The following TNFRSF1A variants were observed in gnomAD, a reference collection of about 807,000 sequenced individuals.
The protein encoded by TNFRSF1A is tumor necrosis factor receptor superfamily member 1A.
TNFRSF1A carries 9 observed loss-of-function variants against 41.6 expected under a neutral mutation model. The ratio of observed to expected loss-of-function variants is 0.22; its 90% CI spans 0.13 to 0.38. The LOEUF (loss-of-function observed/expected upper bound fraction) is 0.38. Among genes scored for constraint, TNFRSF1A ranks in the 10% least tolerant of loss-of-function variants. The pLI is 1.00. For synonymous variants in TNFRSF1A, 254 were observed against 248.6 expected, an observed-to-expected ratio of 1.02 and a Z score of -0.21; for missense variants, 463 against 591.5, an observed-to-expected ratio of 0.78 and a Z score of 2.25.
At chr12:6,330,463 C>T in intron 7 of TNFRSF1A, 135 bp downstream of exon 7, 8 of 997,326 alleles carry the variant, frequency 8.0e-6, no homozygotes, top group Non-Finnish European at 1.3e-5. Flanking sequence ...CATCCAGGGC[C>T]ACCTTCTGCC....
At chr12:6,330,777 G>T in intron 6 of TNFRSF1A, 66 bp from the exon 7 acceptor site, 1 of 1,575,564 alleles carries the variant, frequency 6.3e-7, no homozygotes, top group East Asian at 2.2e-5. Context: ...AGATGGATGG[G>T]TGGGATGGAT....
rs750495707 is a variant in TNFRSF1A at position 6,333,440 on chromosome 12, C to T, written c.399G>A (p.Arg133=). The T allele has an allele frequency of 1.9e-6, 3 of 1,614,086 alleles. No individual in the cohort carries two copies. In the South Asian group the frequency reaches 3.3e-5, roughly 18 times the overall value. The change falls in exon 4 of 10, where the codon CGG becomes CGA. Residue 133 remains arginine (R), a synonymous_variant. Coordinates refer to ENST00000162749, the MANE Select transcript of TNFRSF1A (RefSeq NM_001065.4). The surrounding 1 kb of genome is among the most constrained non-coding windows in gnomAD (Gnocchi z 6.3). ...TVCGCRKNQY[R]HYWSENLFQC... is the part of the protein sequence containing the mutation. ...GGAAAAGGTTTTCACTCCAATAATG[C>T]CGGTACTGGTTCTTCCTGCAGCCAC...
At position 6,328,993 on chromosome 12, in the gene TNFRSF1A, C is replaced by G; in HGVS notation, c.*319G>C. 2.7e-6 allele frequency: 1 copy of G among 372,740 alleles called. No homozygotes were observed. The highest frequency in any genetic ancestry group is 4.8e-6 in the Non-Finnish European group (1 of 209,566). The allele number at this position is 372,740 out of a possible 1,614,324, so 23.1% of individuals were successfully genotyped here. A position where few individuals can be genotyped will look rare whatever the true frequency, so the allele number is the denominator to read the frequency against. On this transcript the variant is annotated 3_prime_UTR_variant, in exon 10 of 10. Transcript: ENST00000162749. ...AACTGCTTATGCACTGTGAAAAAGG[C>G]TCAGGGACGAACCAGGGGCCCCCGA...
At position 6,333,303 on chromosome 12, in the gene TNFRSF1A, G is replaced by A. The variant is rs4149585; in HGVS notation, c.472+64C>T. ...AGGGGGAAGGAAAGGAAGTGCCACC[G>A]CATGGGGAAGGGGCCAACCCCTGGG... On this transcript the variant is annotated intron_variant, in intron 4 of 9. Coordinates refer to ENST00000162749, the MANE Select transcript of TNFRSF1A (RefSeq NM_001065.4). This position sits in a 1 kb window ranked among gnomAD's most constrained non-coding sequence, Gnocchi z 6.3. 2.6e-3 allele frequency: 4,052 copies of A among 1,587,974 alleles called. 6 individuals carry two copies. Among genetic ancestry groups the A allele is most frequent in the African/African-American group, 3.6e-3 (268 of 74,434 alleles).
chr12:6,329,829 T>C lies in TNFRSF1A; in HGVS notation c.1006A>G (p.Asn336Asp), dbSNP rs1463572945. 3 of 1,604,738 alleles carry C rather than the reference T, an allele frequency of 1.9e-6. No individual in the cohort carries two copies. The African/African-American group carries it at 4.0e-5, about 21-fold the overall frequency. ...ATALASDPIP[N>D]PLQKWEDSAH... ...CTGTCCTCCCACTTCTGAAGGGGGTTGGGGATGGGGTCGGAGGCGAGGGCT... is the reference window on the plus strand; with the variant it reads ...CTGTCCTCCCACTTCTGAAGGGGGTCGGGGATGGGGTCGGAGGCGAGGGCT... Residue 336 changes from asparagine to aspartate, a missense_variant, in exon 9 of 10, where the codon AAC becomes GAC. Asn to Asp is a conservative substitution (Grantham distance 23). Around this residue, in one of 4 missense-constraint regions of TNFRSF1A, gnomAD observed 277 missense variants for 288.8 expected, o/e 0.96. Transcript: ENST00000162749.
Position 6,341,799 on chromosome 12 carries a change from C to T in TNFRSF1A, c.16G>A (p.Val6Met), listed in dbSNP as rs772424047. 4 of 1,614,052 alleles carry T rather than the reference C, an allele frequency of 2.5e-6. No homozygotes were observed. Among genetic ancestry groups the T allele is most frequent in the African/African-American group, 1.3e-5 (1 of 74,954 alleles). The change falls in exon 1 of 10, where the codon GTG becomes ATG. Residue 6 changes from valine (V) to methionine (M), a missense_variant. Around this residue, in one of 4 missense-constraint regions of TNFRSF1A, gnomAD observed 37 missense variants for 46.5 expected, o/e 0.80. Transcript: ENST00000162749. This position sits in a 1 kb window ranked among gnomAD's most constrained non-coding sequence, Gnocchi z 4.6. ...ACCAGTGGCAGCAGCAGGTCAGGCACGGTGGAGAGGCCCATGCCAGACAGC... is the reference window on the plus strand; with the variant it reads ...ACCAGTGGCAGCAGCAGGTCAGGCATGGTGGAGAGGCCCATGCCAGACAGC... MGLSTVPDLLLPLVLL... is the reference protein window; with the variant it reads MGLSTMPDLLLPLVLL...
intron 5 of TNFRSF1A, 123 bp downstream of exon 5, chr12:6,332,946 G>A (rs1948069471): frequency 2.4e-6 from 2 of 821,156 alleles, no homozygotes; most frequent in Admixed American, 1.9e-5. Context: ...CTCCTACTCA[G>A]CCAGTAGGAC....
chr12:6,329,291 G>T lies in TNFRSF1A; in HGVS notation c.*21C>A. Reference sequence around the variant, plus strand: ...GCGATCTCGCAGGACGGTCCTTAGAGCTGCCCGCAGGGGCGCAGCCTCATC... The same window carrying T: ...GCGATCTCGCAGGACGGTCCTTAGATCTGCCCGCAGGGGCGCAGCCTCATC... On this transcript the variant is annotated 3_prime_UTR_variant, in exon 10 of 10. Coordinates refer to ENST00000162749, the MANE Select transcript of TNFRSF1A (RefSeq NM_001065.4). 1 of 1,455,602 alleles carries T rather than the reference G, an allele frequency of 6.9e-7. No individual in the cohort carries two copies. 90.2% of individuals were successfully genotyped at this position (1,455,602 alleles called of 1,614,324 possible).
At position 6,333,089 on chromosome 12, in the gene TNFRSF1A, G is replaced by A. The variant is rs138918985; in HGVS notation, c.531C>T (p.Asn177=). ...TCHAGFFLRE[N]ECVSCSNCKK... ...CTCACTTACTACAGGAGACACACTC[G>A]TTTTCTCTTAGAAAGAAACCTGCAT... The change falls in exon 5 of 10, where the codon AAC becomes AAT. Residue 177 remains asparagine (N), a synonymous_variant. Coordinates refer to ENST00000162749, the MANE Select transcript of TNFRSF1A (RefSeq NM_001065.4). The surrounding 1 kb of genome is among the most constrained non-coding windows in gnomAD (Gnocchi z 6.3). 9.9e-6 allele frequency: 16 copies of A among 1,614,052 alleles called. No individual in the cohort carries two copies. The African/African-American group carries it at 1.5e-4, about 15-fold the overall frequency.
intron 1 of TNFRSF1A, among the ~76,000 whole-genome samples, chr12:6,336,148 G>A (rs889529670): frequency 6.6e-6 from 1 of 152,168 alleles, no homozygotes; most frequent in African/African-American, 2.4e-5. Context: ...GAGTCATGAT[G>A]AAGAACTGGG....
chr12:6,332,433 C>CAAAA lies in TNFRSF1A; in HGVS notation c.551+632_551+635dup, dbSNP rs34324660. Among the ~76,000 whole-genome samples, 108 of 39,720 alleles carry CAAAA rather than the reference C, an allele frequency of 2.7e-3. 1 individual carries two copies. Among genetic ancestry groups the CAAAA allele is most frequent in the African/African-American group, 0.011 (95 of 8,922 alleles). 26.1% of individuals were successfully genotyped at this position (39,720 alleles called of 152,430 possible). On this transcript the variant is annotated intron_variant, in intron 5 of 9. Transcript: ENST00000162749. Reference sequence around the variant, plus strand: ...TGGGTGACAGAGTGAAACCCTGTCTCAAAAAAAAAAAAAAAAAAAAAACAC... The same window carrying CAAAA: ...TGGGTGACAGAGTGAAACCCTGTCTCAAAAAAAAAAAAAAAAAAAAAAAAAACAC...
chr12:6,340,550 C>A (rs1948181375), intron 1 of TNFRSF1A, among the ~76,000 whole-genome samples: 1 of 152,016 alleles, frequency 6.6e-6, no homozygotes, highest in South Asian at 2.1e-4. Flanking sequence ...AGAGTGAGAC[C>A]CTGACCAGAG....
chr12:6,330,172 C>G (rs958044584), intron 8 of TNFRSF1A, 95 bp downstream of exon 8: 1 of 1,611,188 alleles, frequency 6.2e-7, no homozygotes, highest in Non-Finnish European at 8.5e-7. Context: ...GGCGAGCCCC[C>G]GGAAAGTGAA....
chr12:6,339,186 C>A lies in TNFRSF1A; in HGVS notation c.39+2590G>T, dbSNP rs564688555. ...AACACAAAATCCCATCTCTCCATTCCTCTCCTCTTCCTCACATCAGTATCC... is the reference window on the plus strand; with the variant it reads ...AACACAAAATCCCATCTCTCCATTCATCTCCTCTTCCTCACATCAGTATCC... On this transcript the variant is annotated intron_variant, in intron 1 of 9. Transcript: ENST00000162749. Among the ~76,000 whole-genome samples, 3 of 152,322 alleles carry A rather than the reference C, an allele frequency of 2.0e-5. No homozygotes were observed. In the East Asian group the frequency reaches 5.8e-4, roughly 29 times the overall value.
intron 1 of TNFRSF1A, among the ~76,000 whole-genome samples, chr12:6,336,816 A>C (rs887477): frequency 0.6 from 91,279 of 152,038 alleles, 28,591 homozygotes; most frequent in African/African-American, 0.79. Flanking sequence ...AACACTCCCC[A>C]GTCCCAGCAG....
Position 6,333,901 on chromosome 12 carries a change from G to A in TNFRSF1A, c.194-36C>T. ...GGCCGCAGAGTTAGGCTGCGGGTGA[G>A]AACACAAGGAAGGAGCCCCATGCTA... On this transcript the variant is annotated intron_variant, in intron 2 of 9. Transcript: ENST00000162749. This position sits in a 1 kb window ranked among gnomAD's most constrained non-coding sequence, Gnocchi z 6.3. The A allele has an allele frequency of 6.2e-7, 1 of 1,601,516 alleles. No individual in the cohort carries two copies. The highest frequency in any genetic ancestry group is 8.5e-7 in the Non-Finnish European group (1 of 1,173,384).
rs1424217022 is a variant in TNFRSF1A, at chr12:6,329,609, C to T, written c.1071G>A (p.Ala357=). 6.3e-7 allele frequency: 1 copy of T among 1,593,852 alleles called. No individual in the cohort carries two copies. Among genetic ancestry groups the T allele is most frequent in the Non-Finnish European group, 8.5e-7 (1 of 1,174,740 alleles). Reference sequence around the variant, plus strand: ...CGTTCTCCACCACGGCGTACAGCGTCGCGGGGTCATCAGCTGCGGGGACGC... The same window carrying T: ...CGTTCTCCACCACGGCGTACAGCGTTGCGGGGTCATCAGCTGCGGGGACGC... ...KPQSLDTDDP[A]TLYAVVENVP... is the part of the protein sequence containing the mutation. Residue 357 remains alanine (A), a synonymous_variant, in exon 10 of 10, where the codon GCG becomes GCA. Transcript: ENST00000162749.
chr12:6,341,838 TC>T lies in TNFRSF1A; in HGVS notation c.-25del, dbSNP rs746697812. 3.7e-6 allele frequency: 6 copies of T among 1,613,942 alleles called. No homozygotes were observed. In the East Asian group the frequency reaches 8.9e-5, roughly 24 times the overall value. On this transcript the variant is annotated 5_prime_UTR_variant, in exon 1 of 10. It removes the in-frame stop codon of an upstream open reading frame in the 5' UTR. Coordinates refer to ENST00000162749, the MANE Select transcript of TNFRSF1A (RefSeq NM_001065.4). This position sits in a 1 kb window ranked among gnomAD's most constrained non-coding sequence, Gnocchi z 4.6. ...ATGCCAGACAGCTATGGCCTCTCACTCCCCCATTTGGGCTCAGGGCAGTGTG... is the reference window on the plus strand; with the variant it reads ...ATGCCAGACAGCTATGGCCTCTCACTCCCCATTTGGGCTCAGGGCAGTGTG...
At position 6,329,823 on chromosome 12, in the gene TNFRSF1A, G is replaced by A. The variant is rs1251500082; in HGVS notation, c.1012C>T (p.Leu338Phe). 5.0e-6 allele frequency: 8 copies of A among 1,605,170 alleles called. No homozygotes were observed. In the Admixed American group the frequency reaches 5.1e-5, roughly 10 times the overall value. ...ALASDPIPNP[L>F]QKWEDSAHKP... is the part of the protein sequence containing the mutation. Reference sequence around the variant, plus strand: ...TGGGCGCTGTCCTCCCACTTCTGAAGGGGGTTGGGGATGGGGTCGGAGGCG... The same window carrying A: ...TGGGCGCTGTCCTCCCACTTCTGAAAGGGGTTGGGGATGGGGTCGGAGGCG... The change falls in exon 9 of 10, where the codon CTT becomes TTT. Residue 338 changes from leucine to phenylalanine, a missense_variant. Transcript: ENST00000162749.
Sources: gnomAD v4.1 joint callset for allele counts (sites outside exome capture counted in the v4.1 genomes callset) on GRCh38, gnomAD v4.1.1 for gene constraint, gnomAD v4.1.1 regional missense constraint, Gnocchi (gnomAD v3.1) non-coding constraint, MANE v1.5 for transcripts, NCBI Gene and HGNC (gene_info 2026-07-23, HGNC 2026-07-21) for gene names.